The following DOCK10 variants were observed in gnomAD, a reference collection of about 807,000 sequenced individuals.
The protein encoded by DOCK10 is dedicator of cytokinesis 10.
A neutral mutation model predicts 280.1 loss-of-function variants in DOCK10; 145 were observed. The ratio of observed to expected loss-of-function variants is 0.52; its 90% CI spans 0.45 to 0.59. The LOEUF is 0.59. DOCK10 is among the 20% of genes least tolerant of loss of function. The pLI is 0.00. For missense variants in DOCK10, 2,368 were observed against 2,651.7 expected, an observed-to-expected ratio of 0.89 and a Z score of 2.35; for synonymous variants, 915 against 942.2, an observed-to-expected ratio of 0.97 and a Z score of 0.53.
chr2:224,789,143 A>C lies in DOCK10; in HGVS notation c.5339T>G (p.Phe1780Cys). The change falls in exon 48 of 56, where the codon TTT becomes TGT. Residue 1780 changes from phenylalanine (F) to cysteine (C), a missense_variant. By Grantham distance (205) the Phe-to-Cys change is radical. Transcript: ENST00000258390. ...GSMFSMGWPA[F>C]LSITPNIKEE... ...CTTAATGTTTGGTGTAATGCTCAAA[A>C]AAGCTGGCCATCCCATAGAGAACAT... The C allele has an allele frequency of 6.2e-7, 1 of 1,613,610 alleles. No individual in the cohort carries two copies. The highest frequency in any genetic ancestry group is 1.7e-4 in the Middle Eastern group (1 of 6,060).
At chr2:224,978,189 C>T (rs557100992) in intron 1 of DOCK10, among the ~76,000 whole-genome samples, 1 of 152,240 alleles carries the variant, frequency 6.6e-6, no homozygotes, top group Admixed American at 6.5e-5. Flanking sequence ...AATACCAGCA[C>T]TTTGGGAGGC....
At chr2:224,769,276 T>C (rs191126654) in intron 55 of DOCK10, among the ~76,000 whole-genome samples, 10 of 152,308 alleles carry the variant, frequency 6.6e-5, no homozygotes, top group African/African-American at 9.6e-5. Flanking sequence ...TGGAAGAAGA[T>C]GGAAAAACCG....
chr2:224,794,720 G>T (rs1012206110), intron 45 of DOCK10, among the ~76,000 whole-genome samples, 159 bp downstream of exon 45: 2 of 152,156 alleles, frequency 1.3e-5, no homozygotes, highest in African/African-American at 2.4e-5. Flanking sequence ...ATCCTTGAAT[G>T]CTATATGGAA....
intron 1 of DOCK10, among the ~76,000 whole-genome samples, chr2:225,020,466 C>A (rs1385275746): frequency 6.6e-6 from 1 of 152,128 alleles, no homozygotes; most frequent in Admixed American, 6.5e-5. Flanking sequence ...ATTTGAAGAG[C>A]AACTCTTCCC....
rs532186445 is a variant in DOCK10 at position 224,997,383 on chromosome 2, C to G, written c.123+44869G>C. ...AGTAGCTGGACTTACAGGTGCCTGC[C>G]ACCATGCCCGGCTGATTTTTGTATT... On this transcript the variant is annotated intron_variant, in intron 1 of 55. Coordinates refer to ENST00000258390, the MANE Select transcript of DOCK10 (RefSeq NM_014689.3). Among the ~76,000 whole-genome samples, 298 of 152,246 alleles carry G rather than the reference C, an allele frequency of 2.0e-3. 1 individual carries two copies. Among genetic ancestry groups the G allele is most frequent in the African/African-American group, 7.0e-3 (289 of 41,544 alleles).
chr2:224,768,381 A>G (rs915816653), intron 55 of DOCK10, among the ~76,000 whole-genome samples: 2 of 152,202 alleles, frequency 1.3e-5, no homozygotes, highest in African/African-American at 4.8e-5. Flanking sequence ...GAGAAGGTGT[A>G]TATTTCCTGT....
At chr2:224,824,351 A>G (rs1285603209) in intron 27 of DOCK10, among the ~76,000 whole-genome samples, 1 of 150,718 alleles carries the variant, frequency 6.6e-6, no homozygotes, top group Non-Finnish European at 1.5e-5. Flanking sequence ...TCAGGTCCAG[A>G]TATCCATCCC....
chr2:224,918,360 T>C (rs1009029791), intron 2 of DOCK10, among the ~76,000 whole-genome samples: 8 of 144,306 alleles, frequency 5.5e-5, no homozygotes, highest in East Asian at 2.1e-4. Flanking sequence ...CATGTGCAAT[T>C]GGGTGGGTGT....
intron 2 of DOCK10, 60 bp from the exon 3 acceptor site, chr2:224,916,844 C>G (rs1701357221): frequency 1.6e-6 from 2 of 1,224,548 alleles, no homozygotes; most frequent in Non-Finnish European, 2.4e-6. Flanking sequence ...AGCAGACCAG[C>G]ACACTGAACA....
intron 44 of DOCK10, among the ~76,000 whole-genome samples, chr2:224,795,730 C>A (rs962153756): frequency 6.6e-6 from 1 of 152,174 alleles, no homozygotes; most frequent in Non-Finnish European, 1.5e-5. Context: ...TTATTTTAAT[C>A]CCTGGGTCCA....
At chr2:224,916,640 TC>T in intron 3 of DOCK10, 54 bp downstream of exon 3, 2 of 1,179,796 alleles carry the variant, frequency 1.7e-6, no homozygotes, top group South Asian at 1.4e-5. Context: ...GCATTGAGAA[TC>T]CCCTGGGAAA....
In DOCK10 at chr2:225,042,361, C is replaced by T. The variant is rs759877674; in HGVS notation, c.14G>A (p.Arg5Gln). 24 of 1,274,776 alleles carry T rather than the reference C, an allele frequency of 1.9e-5. No individual in the cohort carries two copies. The highest frequency in any genetic ancestry group is 2.3e-5 in the Non-Finnish European group (23 of 1,008,638). The allele number at this position is 1,274,776 out of a possible 1,614,324, so 79.0% of individuals were successfully genotyped here. A position where few individuals can be genotyped will look rare whatever the true frequency, so the allele number is the denominator to read the frequency against. The change falls in exon 1 of 56, where the codon CGG (arginine) becomes CAG (glutamine). Residue 5 changes from arginine to glutamine, a missense_variant. By Grantham distance (43) the Arg-to-Gln change is conservative. This residue lies in a region of DOCK10 where 1,209 missense variants were observed against 1,250.9 expected (regional missense o/e 0.97). Coordinates refer to ENST00000258390, the MANE Select transcript of DOCK10 (RefSeq NM_014689.3). The surrounding 1 kb of genome is among the most constrained non-coding windows in gnomAD (Gnocchi z 5.1). MAGE[R>Q]TRRFTRSLLR... ...CAGGCTCCGGGTGAACCTGCGGGTC[C>T]GCTCACCGGCCATCGCCGGTCACGC...
rs759486685 is a variant in DOCK10, at chr2:224,951,917, C to A, written c.124-20249G>T. ...AGCTTTCAGAGGCCACCCACATCCC[C>A]TGACTCAAGGACCCTTTCTAAACCA... On this transcript the variant is annotated intron_variant, in intron 1 of 55. Coordinates refer to ENST00000258390, the MANE Select transcript of DOCK10 (RefSeq NM_014689.3). 1.2e-4 allele frequency among the ~76,000 whole-genome samples: 19 copies of A among 152,202 alleles called. 1 individual carries two copies. Among genetic ancestry groups the A allele is most frequent in the Non-Finnish European group, 2.8e-4 (19 of 68,032 alleles).
intron 50 of DOCK10, among the ~76,000 whole-genome samples, chr2:224,785,836 C>T (rs373389038): frequency 6.6e-5 from 10 of 152,284 alleles, no homozygotes; most frequent in Middle Eastern, 3.4e-3. Flanking sequence ...ATTTTTCAAA[C>T]GACTTCAATG....
intron 50 of DOCK10, 63 bp from the exon 51 acceptor site, chr2:224,778,347 CA>C: frequency 6.7e-7 from 1 of 1,485,006 alleles, no homozygotes; most frequent in South Asian, 1.2e-5. Context: ...AAAAGCAAAA[CA>C]AAAAGCCATT....
At chr2:224,840,316 CA>C in intron 23 of DOCK10, 2 of 310,520 alleles carry the variant, frequency 6.4e-6, no homozygotes, top group Non-Finnish European at 1.2e-5. Flanking sequence ...AGTAAAGAGA[CA>C]ACTTTACTCC....
At chr2:224,832,509 A>G (rs1376042716) in intron 26 of DOCK10, among the ~76,000 whole-genome samples, 1 of 152,232 alleles carries the variant, frequency 6.6e-6, no homozygotes, top group Non-Finnish European at 1.5e-5. Flanking sequence ...ACTCAGATAA[A>G]AAAGAGAAGG....
intron 15 of DOCK10, 23 bp from the exon 16 acceptor site, chr2:224,855,065 A>ACACACACG (rs1697023105): frequency 1.5e-6 from 1 of 652,072 alleles, no homozygotes; most frequent in Non-Finnish European, 2.2e-6. Context: ...ATGAGCAAGG[A>ACACACACG]CACACACACA....
chr2:224,875,966 T>C, intron 8 of DOCK10, 72 bp downstream of exon 8: 1 of 1,482,054 alleles, frequency 6.7e-7, no homozygotes, highest in Non-Finnish European at 9.1e-7. Flanking sequence ...CTACAATGCC[T>C]AGCAGCTTTA....
Sources: allele counts gnomAD v4.1 joint callset (sites outside exome capture counted in the v4.1 genomes callset), GRCh38; gene constraint gnomAD v4.1.1; regional missense constraint gnomAD v4.1.1; non-coding constraint Gnocchi (gnomAD v3.1); transcripts MANE v1.5; gene names NCBI Gene and HGNC (gene_info 2026-07-23, HGNC 2026-07-21).